Variants in RANBP2 observed in about 807,000 individuals in gnomAD.
RANBP2 encodes the protein E3 SUMO-protein ligase RanBP2.
Under a neutral mutation model 303.6 loss-of-function variants are expected in RANBP2, and 57 were observed. That is an observed-to-expected ratio of 0.19 (90% CI 0.15 to 0.23). The LOEUF (loss-of-function observed/expected upper bound fraction) is 0.23. Among genes scored for constraint, RANBP2 ranks in the 10% least tolerant of loss-of-function variants. RANBP2 has a pLI of 1.00. For missense variants in RANBP2, 3,138 were observed against 3,780.8 expected, an observed-to-expected ratio of 0.83 and a Z score of 4.46; for synonymous variants, 1,167 against 1,301.5, an observed-to-expected ratio of 0.90 and a Z score of 2.23.
At chr2:109,607,590 AT>A in the RANBP2 span, among the ~76,000 whole-genome samples, 1 of 152,186 alleles carries the variant, frequency 6.6e-6, no homozygotes, top group Non-Finnish European at 1.5e-5. Context: ...GGAGAACTTA[AT>A]TACCTGGGCT....
chr2:109,104,283 T>C, the RANBP2 span, among the ~76,000 whole-genome samples: 1 of 152,192 alleles, frequency 6.6e-6, no homozygotes, highest in Non-Finnish European at 1.5e-5. Flanking sequence ...GTTGTGTCAG[T>C]CTTAGGATCT....
the RANBP2 span, among the ~76,000 whole-genome samples, chr2:109,512,643 G>A: frequency 2.6e-5 from 4 of 152,128 alleles, no homozygotes; most frequent in African/African-American, 9.7e-5. Flanking sequence ...GCTGGGCCTC[G>A]TGGGAGGCAA....
At chr2:109,078,650 A>T in the RANBP2 span, among the ~76,000 whole-genome samples, 1 of 150,176 alleles carries the variant, frequency 6.7e-6, no homozygotes, top group Admixed American at 6.6e-5. Flanking sequence ...AAAATTTGCT[A>T]AGAGAGCAGA....
chr2:109,151,846 C>T, the RANBP2 span, among the ~76,000 whole-genome samples: 1 of 152,360 alleles, frequency 6.6e-6, no homozygotes, highest in Non-Finnish European at 1.5e-5. Context: ...AACAATATGA[C>T]ATTTCCTATG....
the RANBP2 span, among the ~76,000 whole-genome samples, chr2:108,977,412 G>A: frequency 6.6e-6 from 1 of 152,206 alleles, no homozygotes; most frequent in Non-Finnish European, 1.5e-5. Context: ...GGGACTACAG[G>A]CACCCGCCAC....
the RANBP2 span, among the ~76,000 whole-genome samples, chr2:109,735,478 A>ATC: frequency 1.7e-4 from 25 of 147,318 alleles, no homozygotes; most frequent in East Asian, 3.9e-4. Context: ...AGTAATGCAG[A>ATC]TCTCTCTCTC....
the RANBP2 span, among the ~76,000 whole-genome samples, chr2:108,849,558 A>G: frequency 6.6e-6 from 1 of 151,624 alleles, no homozygotes; most frequent in Non-Finnish European, 1.5e-5. Flanking sequence ...CCCTGCCTTC[A>G]CTCTCTAGTC....
At chr2:109,567,663 A>C in the RANBP2 span, 4 of 724,158 alleles carry the variant, frequency 5.5e-6, no homozygotes, top group African/African-American at 1.8e-5. Flanking sequence ...TAAAAAACTA[A>C]ACATTTTCTC....
chr2:109,197,394 A>G, the RANBP2 span, among the ~76,000 whole-genome samples: 1 of 152,116 alleles, frequency 6.6e-6, no homozygotes, highest in Non-Finnish European at 1.5e-5. Context: ...GCCACTTGCA[A>G]GCTGTTTGTC....
chr2:109,652,497 T>C, the RANBP2 span, among the ~76,000 whole-genome samples: 4 of 152,208 alleles, frequency 2.6e-5, no homozygotes, highest in African/African-American at 4.8e-5. Flanking sequence ...AGTGCTAGGA[T>C]TACAGGTTAA....
chr2:109,252,479 T>G, the RANBP2 span, among the ~76,000 whole-genome samples: 3 of 152,300 alleles, frequency 2.0e-5, no homozygotes, highest in Admixed American at 2.0e-4. Context: ...TATCATGGGT[T>G]GATCAGCCGT....
chr2:109,615,155 C>T, the RANBP2 span: 4 of 1,549,232 alleles, frequency 2.6e-6, no homozygotes, highest in East Asian at 2.4e-5. Context: ...GCGTGTGTCC[C>T]GGGGGCAGCA....
At chr2:109,350,180 G>A in the RANBP2 span, among the ~76,000 whole-genome samples, 7 of 152,346 alleles carry the variant, frequency 4.6e-5, no homozygotes, top group East Asian at 9.7e-4. Flanking sequence ...CGGTTGGCAT[G>A]TGGGGTGGGG....
At chr2:109,634,856 A>C in the RANBP2 span, among the ~76,000 whole-genome samples, 1 of 152,244 alleles carries the variant, frequency 6.6e-6, no homozygotes, top group Non-Finnish European at 1.5e-5. Context: ...ATGCATGTTC[A>C]TGAAGAAATA....
the RANBP2 span, among the ~76,000 whole-genome samples, chr2:108,849,041 A>G: frequency 6.6e-6 from 1 of 152,210 alleles, no homozygotes; most frequent in Non-Finnish European, 1.5e-5. Context: ...CGGGATAAAA[A>G]GACTTCAATC....
chr2:109,432,653 A>G, the RANBP2 span: 1 of 1,612,666 alleles, frequency 6.2e-7, no homozygotes, highest in Non-Finnish European at 8.5e-7. Flanking sequence ...CCCGGAAACT[A>G]CGTGACACCC....
chr2:109,169,722 A>G, the RANBP2 span, among the ~76,000 whole-genome samples: 388 of 150,596 alleles, frequency 2.6e-3, 2 homozygotes, highest in Middle Eastern at 6.8e-3. Flanking sequence ...ATCTATATAT[A>G]TAACCAAAAT....
At chr2:109,564,968 C>G in the RANBP2 span, among the ~76,000 whole-genome samples, 1 of 152,158 alleles carries the variant, frequency 6.6e-6, no homozygotes, top group Non-Finnish European at 1.5e-5. Flanking sequence ...TACTATCCTT[C>G]CCTGCTATAA....
chr2:108,884,998 G>T, the RANBP2 span: 1 of 152,214 alleles, frequency 6.6e-6, no homozygotes, highest in Non-Finnish European at 1.5e-5. Flanking sequence ...TTCCCAAGGA[G>T]CTAATTGGAA....
Sources: gnomAD v4.1 joint callset for allele counts (sites outside exome capture counted in the v4.1 genomes callset) on GRCh38, gnomAD v4.1.1 for gene constraint, MANE v1.5 for transcripts, NCBI Gene and HGNC (gene_info 2026-07-23, HGNC 2026-07-21) for gene names.